Variants in BMPR1B observed in about 807,000 individuals in gnomAD.
The protein encoded by BMPR1B is bone morphogenetic protein receptor type 1B.
BMPR1B carries 12 observed loss-of-function variants against 59.1 expected under a neutral mutation model. That is an observed-to-expected ratio of 0.20 (90% CI 0.13 to 0.33). The LOEUF (loss-of-function observed/expected upper bound fraction) is 0.33, where lower values mean the gene tolerates loss of function less well. Among genes scored for constraint, BMPR1B ranks in the 10% least tolerant of loss-of-function variants. The pLI, the probability that BMPR1B is intolerant of heterozygous loss-of-function variation, is 1.00. For missense variants in BMPR1B, 550 were observed against 610.9 expected (o/e 0.90, Z 1.05); for synonymous variants, 237 against 207.3 (o/e 1.14, Z -1.23).
At chr4:95,115,543 G>A (rs1350619161) in intron 5 of BMPR1B, 142 bp from the exon 6 acceptor site, 23 of 743,462 alleles carry the variant, frequency 3.1e-5, no homozygotes, top group Non-Finnish European at 5.3e-5. Flanking sequence ...ACCTTATAGA[G>A]GAGAACATAT....
chr4:95,065,813 G>A (rs1727756571), intron 3 of BMPR1B, among the ~76,000 whole-genome samples: 1 of 151,980 alleles, frequency 6.6e-6, no homozygotes, highest in Non-Finnish European at 1.5e-5. Flanking sequence ...TGCAATGAAC[G>A]TTGTTTGCTT....
intron 2 of BMPR1B, among the ~76,000 whole-genome samples, chr4:94,995,453 T>G (rs929116557): frequency 6.6e-6 from 1 of 152,174 alleles, no homozygotes; most frequent in Non-Finnish European, 1.5e-5. Flanking sequence ...TTAAAAAAAT[T>G]ACAAAACTGC....
intron 1 of BMPR1B, among the ~76,000 whole-genome samples, chr4:94,770,310 G>T (rs1431681414): frequency 6.6e-6 from 1 of 151,240 alleles, no homozygotes; most frequent in Non-Finnish European, 1.5e-5. Context: ...GATGAACTCT[G>T]GTGTTAGATG....
chr4:94,943,196 A>G (rs1398188765), intron 2 of BMPR1B, among the ~76,000 whole-genome samples: 2 of 151,248 alleles, frequency 1.3e-5, no homozygotes, highest in African/African-American at 2.4e-5. Context: ...GCTGGAGTGC[A>G]ATGGCACGAT....
At chr4:94,761,280 T>C (rs529306213) in intron 1 of BMPR1B, among the ~76,000 whole-genome samples, 54 of 152,348 alleles carry the variant, frequency 3.5e-4, no homozygotes, top group Non-Finnish European at 3.1e-4. Flanking sequence ...CACCGATCTT[T>C]AAGAACCTTG....
intron 2 of BMPR1B, among the ~76,000 whole-genome samples, chr4:94,947,063 A>T (rs1006936408): frequency 2.0e-5 from 3 of 152,088 alleles, no homozygotes. Flanking sequence ...AAACATACAA[A>T]CAAACCCCCC....
In BMPR1B at chr4:95,144,852, A is replaced by C. The variant is rs111888453; in HGVS notation, c.1077-3896A>C. Among the ~76,000 whole-genome samples, 3 of 152,104 alleles carry C rather than the reference A, an allele frequency of 2.0e-5. No homozygotes were observed. The South Asian group carries it at 6.2e-4, about 32-fold the overall frequency. ...CTTTTGTTTTTAATGGGATATTTTC[A>C]GTTCTCCTTCGTAGCAGCTCATTTT... On this transcript the variant is annotated intron_variant, in intron 10 of 12. Coordinates refer to ENST00000515059, the MANE Select transcript of BMPR1B (RefSeq NM_001203.3).
At chr4:95,025,411 C>A (rs1724284710) in intron 3 of BMPR1B, among the ~76,000 whole-genome samples, 2 of 152,054 alleles carry the variant, frequency 1.3e-5, no homozygotes, top group Admixed American at 6.6e-5. Flanking sequence ...AATAGACTCA[C>A]AAGAGGCTGT....
intron 2 of BMPR1B, among the ~76,000 whole-genome samples, chr4:94,947,671 CT>C (rs1411615000): frequency 6.6e-6 from 1 of 152,170 alleles, no homozygotes; most frequent in Non-Finnish European, 1.5e-5. Flanking sequence ...TGTCACATAC[CT>C]TTGTGTGACA....
chr4:95,116,995 A>G (rs552079747), intron 6 of BMPR1B, among the ~76,000 whole-genome samples: 1 of 152,230 alleles, frequency 6.6e-6, no homozygotes, highest in Non-Finnish European at 1.5e-5. Flanking sequence ...GTCAATAACT[A>G]TATTTGTTCA....
chr4:94,817,536 G>A (rs907461699), intron 1 of BMPR1B, among the ~76,000 whole-genome samples: 1 of 151,848 alleles, frequency 6.6e-6, no homozygotes, highest in Non-Finnish European at 1.5e-5. Context: ...CTTGGTCTGC[G>A]AAATGGGAAT....
intron 3 of BMPR1B, among the ~76,000 whole-genome samples, chr4:95,001,967 T>C: frequency 6.6e-6 from 1 of 152,188 alleles, no homozygotes; most frequent in East Asian, 1.9e-4. Context: ...GTTTTTATTG[T>C]TGTTGTTGTT....
chr4:95,106,331 A>G (rs1731197352), intron 4 of BMPR1B, among the ~76,000 whole-genome samples: 1 of 151,964 alleles, frequency 6.6e-6, no homozygotes, highest in African/African-American at 2.4e-5. Flanking sequence ...GCTGCAGAAT[A>G]TTGGATGTAT....
Position 94,914,535 on chromosome 4 carries a change from G to A in BMPR1B, c.-113+38635G>A, listed in dbSNP as rs977272691. 2.0e-5 allele frequency among the ~76,000 whole-genome samples: 3 copies of A among 152,116 alleles called. 1 individual carries two copies. The South Asian group carries it at 6.2e-4, about 32-fold the overall frequency. On this transcript the variant is annotated intron_variant, in intron 2 of 12. Coordinates refer to ENST00000515059, the MANE Select transcript of BMPR1B (RefSeq NM_001203.3). The stretch of plus-strand genomic sequence containing the variant: ...GAGGAACTGCAGTGCTTAATGGTGA[G>A]TATGCATGCAAAGGAAGGATAAGAA...
chr4:94,986,221 T>G (rs565670882), intron 2 of BMPR1B, among the ~76,000 whole-genome samples: 7 of 152,168 alleles, frequency 4.6e-5, no homozygotes, highest in Non-Finnish European at 7.3e-5. Flanking sequence ...TGAAAAAAAG[T>G]TTAAGGATTT....
intron 2 of BMPR1B, among the ~76,000 whole-genome samples, chr4:94,985,620 A>G (rs1425961246): frequency 6.6e-6 from 1 of 151,436 alleles, no homozygotes; most frequent in Non-Finnish European, 1.5e-5. Context: ...GTTCCATGGT[A>G]ATTATTGTGT....
At chr4:94,880,964 C>G (rs992749278) in intron 2 of BMPR1B, among the ~76,000 whole-genome samples, 1 of 152,098 alleles carries the variant, frequency 6.6e-6, no homozygotes, top group African/African-American at 2.4e-5. Context: ...CTTTTAAAGT[C>G]AGAAAATTCT....
At chr4:94,888,078 TTTGTTA>T (rs1436825365) in intron 2 of BMPR1B, among the ~76,000 whole-genome samples, 2 of 152,140 alleles carry the variant, frequency 1.3e-5, no homozygotes, top group East Asian at 1.9e-4. Flanking sequence ...ATGGAACAGT[TTTGTTA>T]TTGTTATTAT....
intron 1 of BMPR1B, among the ~76,000 whole-genome samples, chr4:94,823,761 T>A (rs1264842572): frequency 1.4e-5 from 2 of 144,998 alleles, no homozygotes; most frequent in African/African-American, 5.2e-5. Flanking sequence ...TTTTTTTTTT[T>A]ATTTGAGATG....
Sources: allele counts gnomAD v4.1 joint callset (sites outside exome capture counted in the v4.1 genomes callset), GRCh38; gene constraint gnomAD v4.1.1; transcripts MANE v1.5; gene names NCBI Gene and HGNC (gene_info 2026-07-23, HGNC 2026-07-21).